Variants in PPFIA1 observed in about 807,000 individuals in gnomAD.
PPFIA1 encodes the protein PPFI scaffold protein A1.
Under a neutral mutation model 149.9 loss-of-function variants are expected in PPFIA1, and 25 were observed. The observed-to-expected ratio is 0.17, with a 90% CI of 0.12 to 0.23. The LOEUF (loss-of-function observed/expected upper bound fraction) is 0.23. Ranked by LOEUF, PPFIA1 falls within the 10% of genes least tolerant of loss-of-function variation. The pLI, the probability that PPFIA1 is intolerant of heterozygous loss-of-function variation, is 1.00. For missense variants in PPFIA1, 1,362 were observed against 1,506.5 expected, an observed-to-expected ratio of 0.90 and a Z score of 1.59; for synonymous variants, 549 against 552.8, an observed-to-expected ratio of 0.99 and a Z score of 0.10.
At chr11:70,284,653 AG>A (rs1377957870) in intron 2 of PPFIA1, among the ~76,000 whole-genome samples, 1 of 152,212 alleles carries the variant, frequency 6.6e-6, no homozygotes, top group Non-Finnish European at 1.5e-5. Context: ...TGGTCCAGAA[AG>A]GTGAGGCTTT....
intron 27 of PPFIA1, 29 bp downstream of exon 27, chr11:70,382,187 G>A (rs775988768): frequency 6.3e-7 from 1 of 1,576,740 alleles, no homozygotes; most frequent in Non-Finnish European, 8.7e-7. Context: ...AACCCCTAGA[G>A]ATGGCTCAGA....
intron 16 of PPFIA1, among the ~76,000 whole-genome samples, chr11:70,351,668 C>T (rs984973861): frequency 7.9e-5 from 12 of 152,134 alleles, no homozygotes; most frequent in African/African-American, 2.7e-4. Context: ...GGATGCTCAA[C>T]CCGTATTTAA....
Position 70,384,224 on chromosome 11 carries a change from C to A in PPFIA1, c.*1234C>A, listed in dbSNP as rs1411801403. 3.3e-5 allele frequency: 5 copies of A among 152,320 alleles called. No individual in the cohort carries two copies. The highest frequency in any genetic ancestry group is 1.2e-4 in the African/African-American group (5 of 41,430). 9.4% of individuals were successfully genotyped at this position (152,320 alleles called of 1,614,324 possible). On this transcript the variant is annotated 3_prime_UTR_variant, in exon 28 of 28. Coordinates refer to ENST00000253925, the MANE Select transcript of PPFIA1 (RefSeq NM_003626.5). ...GGCAGCCTGTCTTTTCAGTTGGTTT[C>A]TGCTTTTAATTTACTTGTACAATTC...
intron 12 of PPFIA1, 67 bp from the exon 13 acceptor site, chr11:70,338,307 A>G (rs1017849232): frequency 7.1e-6 from 9 of 1,276,078 alleles, no homozygotes; most frequent in Admixed American, 3.5e-5. Context: ...ATCTGAGCAC[A>G]TTTGAAGTAA....
intron 2 of PPFIA1, among the ~76,000 whole-genome samples, chr11:70,309,657 A>G (rs2053126431): frequency 6.6e-6 from 1 of 152,204 alleles, no homozygotes. Context: ...TTTTCCAAAA[A>G]ATAAAAAGGA....
chr11:70,322,098 C>T (rs771273337), intron 2 of PPFIA1, among the ~76,000 whole-genome samples: 17 of 152,156 alleles, frequency 1.1e-4, no homozygotes, highest in Non-Finnish European at 2.4e-4. Context: ...AGGCTGGACT[C>T]GAACTCCCGA....
At chr11:70,340,390 C>G (rs886678066) in intron 14 of PPFIA1, among the ~76,000 whole-genome samples, 7 of 152,204 alleles carry the variant, frequency 4.6e-5, no homozygotes, top group African/African-American at 1.4e-4. Context: ...ATGGTGAGCT[C>G]TATGATTGCA....
At chr11:70,339,503 T>C (rs2055182820) in intron 14 of PPFIA1, among the ~76,000 whole-genome samples, 197 bp downstream of exon 14, 1 of 151,774 alleles carries the variant, frequency 6.6e-6, no homozygotes, top group African/African-American at 2.4e-5. Flanking sequence ...TGTTTTTGTT[T>C]TAAAGAGGTA....
intron 2 of PPFIA1, among the ~76,000 whole-genome samples, chr11:70,318,069 G>T (rs1240293824): frequency 2.0e-5 from 3 of 151,834 alleles, no homozygotes; most frequent in Admixed American, 6.6e-5. Context: ...CGCTTACCTG[G>T]CAGAAACCAC....
In PPFIA1 at chr11:70,296,659, G is replaced by T. The variant is rs2052049701; in HGVS notation, c.264+24223G>T. Among the ~76,000 whole-genome samples the T allele has an allele frequency of 1.3e-5, 2 of 149,758 alleles. 1 individual carries two copies. The highest frequency in any genetic ancestry group is 4.3e-4 in the South Asian group (2 of 4,674). ...ACAGTCCAGCTTCGGCTCAGCATCA[G>T]AGGGAGACCGTGGAAAGAGAGGGAG... On this transcript the variant is annotated intron_variant, in intron 2 of 27. Coordinates refer to ENST00000253925, the MANE Select transcript of PPFIA1 (RefSeq NM_003626.5).
intron 10 of PPFIA1, 71 bp from the exon 11 acceptor site, chr11:70,335,492 G>A (rs2054916713): frequency 6.4e-7 from 1 of 1,565,290 alleles, no homozygotes; most frequent in South Asian, 1.1e-5. Context: ...CACCCTGTTG[G>A]TCCTTGTGCT....
intron 10 of PPFIA1, among the ~76,000 whole-genome samples, chr11:70,334,874 G>A (rs1441582742): frequency 6.6e-6 from 1 of 152,100 alleles, no homozygotes; most frequent in Admixed American, 6.5e-5. Context: ...GGGCATGGAG[G>A]TGCCACCTGG....
intron 24 of PPFIA1, 36 bp from the exon 25 acceptor site, chr11:70,376,496 A>T: frequency 6.4e-7 from 1 of 1,570,780 alleles, no homozygotes. Context: ...ATTAGATTTG[A>T]TGAAAGTTTT....
intron 16 of PPFIA1, among the ~76,000 whole-genome samples, chr11:70,349,589 A>G (rs918403564): frequency 2.6e-5 from 4 of 152,050 alleles, no homozygotes; most frequent in African/African-American, 9.7e-5. Context: ...TCCCGTTACC[A>G]TCTATTTTCG....
chr11:70,365,340 C>T (rs1376754156), intron 21 of PPFIA1: 1 of 455,374 alleles, frequency 2.2e-6, no homozygotes, highest in Admixed American at 2.4e-5. Flanking sequence ...TTCCCTTGCC[C>T]TGGATGTGGT....
At chr11:70,286,919 CACACATATATAT>C (rs560674097) in intron 2 of PPFIA1, among the ~76,000 whole-genome samples, 604 of 144,850 alleles carry the variant, frequency 4.2e-3, no homozygotes, top group South Asian at 0.011. Flanking sequence ...TGTGTGTATA[CACACATATATAT>C]ACACATATAT....
chr11:70,310,640 T>G (rs577966363), intron 2 of PPFIA1, among the ~76,000 whole-genome samples: 49 of 152,316 alleles, frequency 3.2e-4, no homozygotes, highest in Admixed American at 5.9e-4. Context: ...TGCCTCAGCT[T>G]CCCAAGGTTC....
At chr11:70,372,425 A>G in intron 22 of PPFIA1, 35 bp downstream of exon 22, 1 of 1,613,372 alleles carries the variant, frequency 6.2e-7, no homozygotes, top group Non-Finnish European at 8.5e-7. Flanking sequence ...ATAATTGGCT[A>G]AGATTTTTCA....
At chr11:70,279,577 A>ATT (rs34969846) in intron 2 of PPFIA1, among the ~76,000 whole-genome samples, 29 of 143,066 alleles carry the variant, frequency 2.0e-4, no homozygotes, top group African/African-American at 7.4e-4. Flanking sequence ...TACATTAGGC[A>ATT]TTTTTTTTTT....
Sources: gnomAD v4.1 joint callset for allele counts (sites outside exome capture counted in the v4.1 genomes callset) on GRCh38, gnomAD v4.1.1 for gene constraint, MANE v1.5 for transcripts, NCBI Gene and HGNC (gene_info 2026-07-23, HGNC 2026-07-21) for gene names.